CADM1: variants seen among roughly 807,000 people sequenced by gnomAD.
CADM1 encodes the protein cell adhesion molecule 1.
A neutral mutation model predicts 53.1 loss-of-function variants in CADM1; 15 were observed. The ratio of observed to expected loss-of-function variants is 0.28; its 90% CI spans 0.19 to 0.44. The LOEUF is 0.44. Ranked by LOEUF, CADM1 falls within the 20% of genes least tolerant of loss-of-function variation. CADM1 has a pLI of 1.00. For synonymous variants in CADM1, 281 were observed against 243.0 expected, an observed-to-expected ratio of 1.16 and a Z score of -1.45; for missense variants, 434 against 611.3, an observed-to-expected ratio of 0.71 and a Z score of 3.06.
intron 7 of CADM1, among the ~76,000 whole-genome samples, chr11:115,211,475 C>CTTTTTTTT (rs1224649182): frequency 6.1e-4 from 56 of 92,162 alleles, no homozygotes; most frequent in Non-Finnish European, 7.6e-4. Flanking sequence ...AATCCTATTT[C>CTTTTTTTT]TTTTTTTTTT....
intron 1 of CADM1, among the ~76,000 whole-genome samples, chr11:115,273,992 A>G (rs1358236603): frequency 6.6e-6 from 1 of 152,206 alleles, no homozygotes; most frequent in East Asian, 1.9e-4. Context: ...ACCACAGTAC[A>G]TTTTGGTGGG....
rs544342782 is a variant in CADM1 at position 115,181,146 on chromosome 11, G to A, written c.1166-2371C>T. Among the ~76,000 whole-genome samples, 40 of 140,520 alleles carry A rather than the reference G, an allele frequency of 2.8e-4. 1 individual carries two copies. Among genetic ancestry groups the A allele is most frequent in the African/African-American group, 1.0e-3 (39 of 38,410 alleles). 92.2% of individuals were successfully genotyped at this position (140,520 alleles called of 152,430 possible). A position where few individuals can be genotyped will look rare whatever the true frequency, so the allele number is the denominator to read the frequency against. On this transcript the variant is annotated intron_variant, in intron 10 of 11. Transcript: ENST00000331581. ...GCCTCCTCTCCATGCCTAGACACAG[G>A]AATATTCTGGAAGCCTGAGGGGGGA...
At chr11:115,184,603 AGAAG>A (rs1321745503) in intron 10 of CADM1, among the ~76,000 whole-genome samples, 1 of 152,216 alleles carries the variant, frequency 6.6e-6, no homozygotes, top group African/African-American at 2.4e-5. Context: ...AAAGTGGACG[AGAAG>A]GAATAAACGT....
intron 1 of CADM1, among the ~76,000 whole-genome samples, chr11:115,342,933 C>T (rs1945485722): frequency 6.6e-6 from 1 of 152,058 alleles, no homozygotes; most frequent in Non-Finnish European, 1.5e-5. Context: ...TGTAGAAAGT[C>T]AAGAGGAAGA....
chr11:115,429,863 C>G (rs1052179859), intron 1 of CADM1, among the ~76,000 whole-genome samples: 1 of 152,018 alleles, frequency 6.6e-6, no homozygotes. Flanking sequence ...TGGTTTGTTC[C>G]CTGCTTACAT....
intron 1 of CADM1, among the ~76,000 whole-genome samples, chr11:115,388,805 T>C (rs1228804883): frequency 6.6e-6 from 1 of 152,088 alleles, no homozygotes; most frequent in Admixed American, 6.6e-5. Context: ...TTAAAGTAGA[T>C]TGAAGAGACA....
At chr11:115,486,404 G>A (rs1337470595) in intron 1 of CADM1, among the ~76,000 whole-genome samples, 1 of 152,016 alleles carries the variant, frequency 6.6e-6, no homozygotes, top group Non-Finnish European at 1.5e-5. Context: ...AGGCTGGAGT[G>A]CAGTGGTGCA....
intron 1 of CADM1, among the ~76,000 whole-genome samples, chr11:115,428,005 CAAAAAAAAAAAAAAA>C (rs66872817): frequency 2.2e-4 from 12 of 54,032 alleles, no homozygotes; most frequent in Non-Finnish European, 3.3e-4. Context: ...GACTCCATCT[CAAAAAAAAAAAAAAA>C]AAAAAAAAAA....
At position 115,174,353 on chromosome 11, in the gene CADM1, T is replaced by C; in HGVS notation, c.*2121A>G. The C allele has an allele frequency of 2.0e-6, 2 of 985,546 alleles. No individual in the cohort carries two copies. The highest frequency in any genetic ancestry group is 2.4e-6 in the Non-Finnish European group (2 of 829,676). The allele number at this position is 985,546 out of a possible 1,614,324, so 61.1% of individuals were successfully genotyped here. On this transcript the variant is annotated 3_prime_UTR_variant, in exon 12 of 12. Coordinates refer to ENST00000331581, the MANE Select transcript of CADM1 (RefSeq NM_001301043.2). ...ACCTTTCAACAACATGCTAAATGAT[T>C]CTCACCCTTTGATATGATTATACTA...
chr11:115,321,827 C>G (rs900852848), intron 1 of CADM1, among the ~76,000 whole-genome samples: 1 of 152,136 alleles, frequency 6.6e-6, no homozygotes, highest in African/African-American at 2.4e-5. Context: ...CTTGAGGAAA[C>G]CAGTGGAATG....
intron 1 of CADM1, among the ~76,000 whole-genome samples, chr11:115,308,192 G>GAA (rs1555061147): frequency 1.4e-5 from 1 of 70,454 alleles, no homozygotes; most frequent in South Asian, 7.6e-4. Context: ...ACTCATAGGT[G>GAA]TGTATATATA....
At chr11:115,249,505 T>G (rs370277513) in intron 1 of CADM1, among the ~76,000 whole-genome samples, 1 of 152,246 alleles carries the variant, frequency 6.6e-6, no homozygotes, top group Non-Finnish European at 1.5e-5. Context: ...TAATTCAATA[T>G]AGAACTATCT....
chr11:115,296,775 T>C (rs1944089553), intron 1 of CADM1, among the ~76,000 whole-genome samples: 1 of 152,214 alleles, frequency 6.6e-6, no homozygotes, highest in Non-Finnish European at 1.5e-5. Flanking sequence ...ATGCCGCTTT[T>C]TGAGTATTTT....
intron 5 of CADM1, among the ~76,000 whole-genome samples, chr11:115,228,409 T>C (rs1321900471): frequency 1.3e-5 from 2 of 152,184 alleles, no homozygotes; most frequent in Non-Finnish European, 2.9e-5. Flanking sequence ...AACATTTCAG[T>C]ATGCATACTC....
chr11:115,359,045 T>C (rs1208448356), intron 1 of CADM1, among the ~76,000 whole-genome samples: 1 of 152,192 alleles, frequency 6.6e-6, no homozygotes, highest in Admixed American at 6.5e-5. Context: ...ACTCTCAGGA[T>C]AGATTTGTAT....
chr11:115,277,504 C>T (rs1382472138), intron 1 of CADM1, among the ~76,000 whole-genome samples: 3 of 152,086 alleles, frequency 2.0e-5, no homozygotes, highest in Non-Finnish European at 2.9e-5. Flanking sequence ...ATCCCTTCAT[C>T]GAATTCAGAG....
At chr11:115,189,728 T>TCATC (rs1404777220) in intron 10 of CADM1, among the ~76,000 whole-genome samples, 1 of 152,202 alleles carries the variant, frequency 6.6e-6, no homozygotes, top group Admixed American at 6.5e-5. Flanking sequence ...ATTCATTCAT[T>TCATC]CATCCAATAA....
intron 1 of CADM1, chr11:115,256,710 C>T (rs1243258921): frequency 1.2e-5 from 5 of 418,078 alleles, no homozygotes; most frequent in Non-Finnish European, 2.0e-5. Flanking sequence ...AACAAAATGG[C>T]CATTGCCATG....
chr11:115,235,789 G>C (rs1452659523), intron 3 of CADM1, among the ~76,000 whole-genome samples: 5 of 152,142 alleles, frequency 3.3e-5, no homozygotes, highest in Non-Finnish European at 5.9e-5. Context: ...GGACAGGACT[G>C]TGATAATATT....
Sources: gnomAD v4.1 joint callset for allele counts (sites outside exome capture counted in the v4.1 genomes callset) on GRCh38, gnomAD v4.1.1 for gene constraint, MANE v1.5 for transcripts, NCBI Gene and HGNC (gene_info 2026-07-23, HGNC 2026-07-21) for gene names.